Variants in VPS50 observed in about 807,000 individuals in gnomAD.
VPS50 encodes the protein VPS50 subunit of EARP/GARPII complex, also known as syndetin.
A neutral mutation model predicts 139.7 loss-of-function variants in VPS50; 70 were observed. That is an observed-to-expected ratio of 0.50 (90% CI 0.41 to 0.61). The LOEUF (loss-of-function observed/expected upper bound fraction) is 0.61, where lower values mean the gene tolerates loss of function less well. Ranked by LOEUF, VPS50 falls within the 20% of genes least tolerant of loss-of-function variation. The pLI is 0.00. For missense variants in VPS50, 921 were observed against 1,133.7 expected (o/e 0.81, Z 2.69); for synonymous variants, 365 against 376.7 (o/e 0.97, Z 0.36).
chr7:93,263,237 A>G (rs1040870955), intron 9 of VPS50, among the ~76,000 whole-genome samples: 5 of 152,214 alleles, frequency 3.3e-5, no homozygotes, highest in Non-Finnish European at 7.3e-5. Flanking sequence ...ACATGAGTGA[A>G]TTAGAGTGAA....
At chr7:93,247,295 G>T (rs1456732154) in intron 2 of VPS50, among the ~76,000 whole-genome samples, 1 of 151,804 alleles carries the variant, frequency 6.6e-6, no homozygotes. Flanking sequence ...AAGAAAATAT[G>T]GTTCTAATAT....
intron 21 of VPS50, among the ~76,000 whole-genome samples, chr7:93,329,129 C>CT (rs1260241911): frequency 2.0e-5 from 3 of 151,564 alleles, no homozygotes; most frequent in East Asian, 1.9e-4. Context: ...TAGTTTAACT[C>CT]TAAGATATTG....
Position 93,353,742 on chromosome 7 carries a change from A to G in VPS50, c.2566A>G (p.Asn856Asp), listed in dbSNP as rs1186224059. The G allele has an allele frequency of 6.2e-7, 1 of 1,608,632 alleles. No homozygotes were observed. Residue 856 changes from asparagine to aspartate, a missense_variant, in exon 26 of 28, where the codon AAT (asparagine) becomes GAT (aspartate). By Grantham distance (23) the Asn-to-Asp change is conservative. Around this residue, in one of 3 missense-constraint regions of VPS50, gnomAD observed 158 missense variants for 156.3 expected, o/e 1.01. Transcript: ENST00000305866. ...ILWEHCIRLA[N>D]RTIVEGYANV... Reference sequence around the variant, plus strand: ...TTGGGAACATTGTATACGATTGGCTAATCGAACTATTGTAGAAGGGTAAGT... The same window carrying G: ...TTGGGAACATTGTATACGATTGGCTGATCGAACTATTGTAGAAGGGTAAGT...
At chr7:93,351,815 AG>A (rs1445311779) in intron 25 of VPS50, among the ~76,000 whole-genome samples, 1 of 152,224 alleles carries the variant, frequency 6.6e-6, no homozygotes, top group Non-Finnish European at 1.5e-5. Flanking sequence ...CAAGAAAAAA[AG>A]ATTTCTGTGC....
intron 2 of VPS50, among the ~76,000 whole-genome samples, chr7:93,242,527 T>G (rs1215745410): frequency 2.6e-5 from 4 of 151,974 alleles, no homozygotes. Flanking sequence ...TATTCTAGGT[T>G]TAAAAAGCAA....
At chr7:93,261,392 T>C (rs1795667353) in intron 9 of VPS50, among the ~76,000 whole-genome samples, 1 of 152,114 alleles carries the variant, frequency 6.6e-6, no homozygotes. Flanking sequence ...AAAATTAGGC[T>C]GTAGGCCGGG....
intron 23 of VPS50, among the ~76,000 whole-genome samples, chr7:93,344,640 C>T (rs1390339455): frequency 3.9e-5 from 6 of 151,906 alleles, no homozygotes; most frequent in African/African-American, 1.5e-4. Flanking sequence ...TCTCTCAGAC[C>T]ACAGTGCAAT....
chr7:93,351,898 C>T (rs769395885), intron 25 of VPS50, among the ~76,000 whole-genome samples: 6 of 152,284 alleles, frequency 3.9e-5, no homozygotes, highest in South Asian at 2.1e-4. Context: ...AGAAAGAACT[C>T]GTGTTACTCA....
chr7:93,255,014 G>A (rs1269113919), intron 4 of VPS50, among the ~76,000 whole-genome samples: 1 of 151,990 alleles, frequency 6.6e-6, no homozygotes, highest in Non-Finnish European at 1.5e-5. Context: ...AGGGATTTGA[G>A]CTCTAGAGCA....
intron 2 of VPS50, among the ~76,000 whole-genome samples, chr7:93,240,833 A>G (rs182327484): frequency 6.2e-4 from 95 of 152,288 alleles, no homozygotes; most frequent in Admixed American, 7.2e-4. Flanking sequence ...CTTACCTGCT[A>G]AAGTGAATTT....
At position 93,342,342 on chromosome 7, in the gene VPS50, C is replaced by G. The variant is rs193172942; in HGVS notation, c.2207+767C>G. ...GGAGGGTCCCATGCCCACGAAGTCT[C>G]GCTGATTGCTAGCACAGCAGTCTGA... On this transcript the variant is annotated intron_variant, in intron 23 of 27. Coordinates refer to ENST00000305866, the MANE Select transcript of VPS50 (RefSeq NM_017667.4). Among the ~76,000 whole-genome samples the G allele has an allele frequency of 2.5e-3, 375 of 152,332 alleles. 7 individuals are homozygous for G. Among genetic ancestry groups the G allele is most frequent in the Admixed American group, 0.013 (203 of 15,308 alleles).
Position 93,355,122 on chromosome 7 carries a change from A to ATTTTT in VPS50, c.2586-769_2586-768insTTTTT, listed in dbSNP as rs765486788. Among the ~76,000 whole-genome samples the ATTTTT allele has an allele frequency of 1.6e-4, 23 of 145,174 alleles. No individual in the cohort carries two copies. The East Asian group carries it at 2.2e-3, about 14-fold the overall frequency. ...TTCTGTATAAAATACTCTTTTTTAA[A>ATTTTT]AAAAAAAAAAAAAGCTTGGTCATTT... On this transcript the variant is annotated intron_variant, in intron 26 of 27. Coordinates refer to ENST00000305866, the MANE Select transcript of VPS50 (RefSeq NM_017667.4).
intron 27 of VPS50, 97 bp from the exon 28 acceptor site, chr7:93,358,220 C>G: frequency 9.3e-7 from 1 of 1,073,174 alleles, no homozygotes; most frequent in East Asian, 2.4e-5. Flanking sequence ...TGCTCAGTAA[C>G]TATCCACTGC....
chr7:93,270,107 G>A (rs547881230), intron 9 of VPS50, among the ~76,000 whole-genome samples: 2 of 151,176 alleles, frequency 1.3e-5, no homozygotes, highest in Non-Finnish European at 3.0e-5. Context: ...TTCAAATAAT[G>A]TTAGTTCTAT....
At chr7:93,299,343 G>C (rs1300262272) in intron 16 of VPS50, among the ~76,000 whole-genome samples, 1 of 152,162 alleles carries the variant, frequency 6.6e-6, no homozygotes, top group African/African-American at 2.4e-5. Context: ...AGCCAGTGAT[G>C]AATCTAAATC....
At chr7:93,244,115 A>G (rs1271972720) in intron 2 of VPS50, among the ~76,000 whole-genome samples, 1 of 151,890 alleles carries the variant, frequency 6.6e-6, no homozygotes. Flanking sequence ...GTGACAAAAT[A>G]AATGTCTGTT....
chr7:93,303,119 A>G (rs1797026557), intron 16 of VPS50, among the ~76,000 whole-genome samples: 1 of 151,976 alleles, frequency 6.6e-6, no homozygotes, highest in African/African-American at 2.4e-5. Flanking sequence ...TTTAGCATCA[A>G]TATATAATCA....
intron 19 of VPS50, among the ~76,000 whole-genome samples, chr7:93,310,877 T>C (rs866640732): frequency 6.6e-6 from 1 of 152,264 alleles, no homozygotes; most frequent in East Asian, 1.9e-4. Flanking sequence ...CATTTGCACC[T>C]AGATGTATTA....
chr7:93,348,286 G>T (rs147547856), intron 23 of VPS50, among the ~76,000 whole-genome samples: 2 of 152,134 alleles, frequency 1.3e-5, no homozygotes, highest in African/African-American at 4.8e-5. Flanking sequence ...AGGAATGTTG[G>T]GGTTACTTCT....
Sources: allele counts gnomAD v4.1 joint callset (sites outside exome capture counted in the v4.1 genomes callset), GRCh38; gene constraint gnomAD v4.1.1; regional missense constraint gnomAD v4.1.1; transcripts MANE v1.5; gene names NCBI Gene and HGNC (gene_info 2026-07-23, HGNC 2026-07-21).